SPTBN1: variants seen among roughly 807,000 people sequenced by gnomAD.
The protein encoded by SPTBN1 is spectrin beta, non-erythrocytic 1.
A neutral mutation model predicts 266.4 loss-of-function variants in SPTBN1; 32 were observed. The ratio of observed to expected loss-of-function variants is 0.12; its 90% CI spans 0.09 to 0.16. The LOEUF is 0.16. Among genes scored for constraint, SPTBN1 ranks in the 10% least tolerant of loss-of-function variants. The pLI, the probability that SPTBN1 is intolerant of heterozygous loss-of-function variation, is 1.00. For missense variants in SPTBN1, 2,296 were observed against 3,067.1 expected, an observed-to-expected ratio of 0.75 and a Z score of 5.94; for synonymous variants, 1,336 against 1,162.2, an observed-to-expected ratio of 1.15 and a Z score of -3.04.
rs1328241039 is a variant in SPTBN1, at chr2:54,644,716, T to A, written c.4269+130T>A. 3.3e-6 allele frequency: 4 copies of A among 1,218,426 alleles called. No individual in the cohort carries two copies. In the African/African-American group the frequency reaches 6.1e-5, roughly 18 times the overall value. 75.5% of individuals were successfully genotyped at this position (1,218,426 alleles called of 1,614,324 possible). On this transcript the variant is annotated intron_variant, in intron 20 of 35. Coordinates refer to ENST00000356805, the MANE Select transcript of SPTBN1 (RefSeq NM_003128.3). ...GGAAGGCATTTTTAACCCAAAATAT[T>A]ACTTGCTCTAACAGCATCGTAGAAC...
At position 54,645,898 on chromosome 2, in the gene SPTBN1, A is replaced by G. The variant is rs1679896721; in HGVS notation, c.4495-30A>G. 6.2e-7 allele frequency: 1 copy of G among 1,610,882 alleles called. No individual in the cohort carries two copies. Among genetic ancestry groups the G allele is most frequent in the East Asian group, 2.2e-5 (1 of 44,852 alleles). On this transcript the variant is annotated intron_variant, in intron 21 of 35. Coordinates refer to ENST00000356805, the MANE Select transcript of SPTBN1 (RefSeq NM_003128.3). The surrounding 1 kb of genome is among the most constrained non-coding windows in gnomAD (Gnocchi z 4.3). The stretch of plus-strand genomic sequence containing the variant: ...GTCGTATATTTGTTCCTCTGAGTGG[A>G]TCTGACCACTTATTTAAAATTCTTC...
chr2:54,462,832 G>A (rs1423509874), intron 1 of SPTBN1, among the ~76,000 whole-genome samples: 2 of 152,194 alleles, frequency 1.3e-5, no homozygotes, highest in Non-Finnish European at 2.9e-5. Context: ...GCCATCACTC[G>A]CTTCTGTTCC....
chr2:54,476,034 G>T (rs573152321), intron 1 of SPTBN1, among the ~76,000 whole-genome samples: 1 of 151,520 alleles, frequency 6.6e-6, no homozygotes, highest in African/African-American at 2.4e-5. Context: ...ACTATATATA[G>T]GTTTATTTAA....
At chr2:54,529,324 C>T (rs998610404) in intron 2 of SPTBN1, 4 of 534,548 alleles carry the variant, frequency 7.5e-6, no homozygotes, top group East Asian at 7.5e-5. Context: ...CTCAAAGATA[C>T]ACTTGAGACC....
At chr2:54,632,914 C>A in intron 17 of SPTBN1, 146 bp downstream of exon 17, 3 of 847,460 alleles carry the variant, frequency 3.5e-6, no homozygotes, top group Admixed American at 2.7e-5. Flanking sequence ...TCTACCCATA[C>A]AGAAAATTAG....
chr2:54,603,282 G>C (rs531075569), intron 3 of SPTBN1, among the ~76,000 whole-genome samples: 1 of 152,168 alleles, frequency 6.6e-6, no homozygotes, highest in Non-Finnish European at 1.5e-5. Flanking sequence ...GAGGTAGCAG[G>C]CATCAGGAAC....
At chr2:54,529,149 A>T (rs1671035037) in intron 2 of SPTBN1, among the ~76,000 whole-genome samples, 1 of 152,216 alleles carries the variant, frequency 6.6e-6, no homozygotes, top group African/African-American at 2.4e-5. Flanking sequence ...GGGATAATTT[A>T]CATATCCAAC....
chr2:54,461,801 A>C (rs1018118540), intron 1 of SPTBN1, among the ~76,000 whole-genome samples: 1 of 152,238 alleles, frequency 6.6e-6, no homozygotes, highest in Middle Eastern at 3.2e-3. Context: ...GATTACTACT[A>C]ATCCTTTGTG....
chr2:54,612,082 C>T, intron 3 of SPTBN1, 79 bp from the exon 4 acceptor site: 1 of 1,376,660 alleles, frequency 7.3e-7, no homozygotes, highest in Non-Finnish European at 9.9e-7. Context: ...TGAATGGGCA[C>T]ATGTGACTAG....
chr2:54,637,076 G>A (rs1380389001), intron 17 of SPTBN1, among the ~76,000 whole-genome samples: 30 of 152,114 alleles, frequency 2.0e-4, no homozygotes, highest in Non-Finnish European at 1.5e-4. Context: ...TTACCTTAGC[G>A]TTTACCAAAT....
chr2:54,648,483 T>G (rs1326633309), intron 24 of SPTBN1, among the ~76,000 whole-genome samples: 1 of 152,184 alleles, frequency 6.6e-6, no homozygotes, highest in African/African-American at 2.4e-5. Flanking sequence ...TAGAGGGCCT[T>G]GCGTGCCACA....
chr2:54,614,720 T>C (rs1389110130), intron 4 of SPTBN1, among the ~76,000 whole-genome samples: 1 of 151,644 alleles, frequency 6.6e-6, no homozygotes, highest in Non-Finnish European at 1.5e-5. Context: ...GGAGAATCGC[T>C]TGAATATGGG....
intron 2 of SPTBN1, 161 bp downstream of exon 2, chr2:54,526,727 A>G (rs1031978755): frequency 3.6e-6 from 3 of 841,228 alleles, no homozygotes; most frequent in Non-Finnish European, 5.0e-6. Context: ...TAAGGTAGTC[A>G]GTTCCATATT....
intron 1 of SPTBN1, among the ~76,000 whole-genome samples, chr2:54,480,659 T>A (rs1421875606): frequency 6.6e-6 from 1 of 152,206 alleles, no homozygotes; most frequent in Non-Finnish European, 1.5e-5. Flanking sequence ...AAATCCATGT[T>A]GTCTACCCTC....
At chr2:54,534,473 A>T (rs1292618317) in intron 2 of SPTBN1, among the ~76,000 whole-genome samples, 1 of 152,240 alleles carries the variant, frequency 6.6e-6, no homozygotes, top group Non-Finnish European at 1.5e-5. Flanking sequence ...CAAGTTGTTC[A>T]TGAAAGCTAT....
rs1670716539 is a variant in SPTBN1, at chr2:54,525,043, T to C, written c.-47-1329T>C. Among the ~76,000 whole-genome samples, 5 of 152,222 alleles carry C rather than the reference T, an allele frequency of 3.3e-5. No individual in the cohort carries two copies. The South Asian group carries it at 1.0e-3, about 31-fold the overall frequency. The stretch of plus-strand genomic sequence containing the variant: ...AAGCTTCCCTAGAGCCAGGTCCTTA[T>C]TGCGTTCATTTTTATCCCTAGCATC... On this transcript the variant is annotated intron_variant, in intron 1 of 35. Transcript: ENST00000356805.
chr2:54,622,643 T>C (rs1678070773), intron 9 of SPTBN1, among the ~76,000 whole-genome samples, 156 bp downstream of exon 9: 1 of 152,242 alleles, frequency 6.6e-6, no homozygotes. Flanking sequence ...TTTGCTGAGA[T>C]TTATGATAGA....
At chr2:54,647,580 T>C (rs959652526) in intron 24 of SPTBN1, among the ~76,000 whole-genome samples, 3 of 152,188 alleles carry the variant, frequency 2.0e-5, no homozygotes, top group African/African-American at 7.2e-5. Flanking sequence ...GGCTTACACT[T>C]GTAATCCCAG....
chr2:54,637,902 AC>A, intron 18 of SPTBN1, 99 bp downstream of exon 18: 1 of 1,035,540 alleles, frequency 9.7e-7, no homozygotes, highest in Non-Finnish European at 1.4e-6. Flanking sequence ...AATTAATGAA[AC>A]CAGAAATCCA....
Sources: gnomAD v4.1 joint callset for allele counts (sites outside exome capture counted in the v4.1 genomes callset) on GRCh38, gnomAD v4.1.1 for gene constraint, Gnocchi (gnomAD v3.1) non-coding constraint, MANE v1.5 for transcripts, NCBI Gene and HGNC (gene_info 2026-07-23, HGNC 2026-07-21) for gene names.